The following TNKS variants were observed in gnomAD, a reference collection of about 807,000 sequenced individuals.
The protein encoded by TNKS is poly [ADP-ribose] polymerase tankyrase-1.
TNKS carries 72 observed loss-of-function variants against 135.8 expected under a neutral mutation model. The ratio of observed to expected loss-of-function variants is 0.53; its 90% CI spans 0.44 to 0.64. The LOEUF (loss-of-function observed/expected upper bound fraction) is 0.64. Ranked by LOEUF, TNKS falls within the 30% of genes least tolerant of loss-of-function variation. The probability of loss-of-function intolerance (pLI) is 0.00; values close to 1 mark genes in which losing one functional copy is unlikely to be tolerated. For missense variants in TNKS, 1,769 were observed against 1,674.0 expected, an observed-to-expected ratio of 1.06 and a Z score of -0.99; for synonymous variants, 849 against 649.3, an observed-to-expected ratio of 1.31 and a Z score of -4.68.
chr8:9,728,245 T>C (rs945605168), intron 13 of TNKS, among the ~76,000 whole-genome samples: 2 of 152,198 alleles, frequency 1.3e-5, no homozygotes, highest in Non-Finnish European at 1.5e-5. Flanking sequence ...GAATTAGGCC[T>C]GGTAAATTTC....
At chr8:9,759,018 A>G (rs745451012) in intron 20 of TNKS, among the ~76,000 whole-genome samples, 1 of 152,186 alleles carries the variant, frequency 6.6e-6, no homozygotes, top group Non-Finnish European at 1.5e-5. Flanking sequence ...GTTGGACTGA[A>G]GCCCTCAGTT....
chr8:9,598,749 A>G (rs28380342), intron 2 of TNKS, among the ~76,000 whole-genome samples: 4,071 of 89,262 alleles, frequency 0.046, 288 homozygotes, highest in African/African-American at 0.15. Context: ...GTGTGTATAT[A>G]TGTATATGTG....
At chr8:9,715,370 G>A (rs1455943061) in intron 11 of TNKS, among the ~76,000 whole-genome samples, 1 of 151,156 alleles carries the variant, frequency 6.6e-6, no homozygotes, top group Non-Finnish European at 1.5e-5. Flanking sequence ...AGGGGGGGCG[G>A]GTATGATCAT....
At chr8:9,773,206 A>G (rs1189340992) in intron 26 of TNKS, among the ~76,000 whole-genome samples, 1 of 152,076 alleles carries the variant, frequency 6.6e-6, no homozygotes, top group South Asian at 2.1e-4. Flanking sequence ...CACACTATAT[A>G]CATGAATATA....
At position 9,779,590 on chromosome 8, in the gene TNKS, T is replaced by C. The variant is rs1808378719; in HGVS notation, c.*2854T>C. 6.6e-6 allele frequency: 1 copy of C among 152,170 alleles called. No homozygotes were observed. Among genetic ancestry groups the C allele is most frequent in the Non-Finnish European group, 1.5e-5 (1 of 68,032 alleles). 9.4% of individuals were successfully genotyped at this position (152,170 alleles called of 1,614,324 possible). On this transcript the variant is annotated 3_prime_UTR_variant, in exon 27 of 27. Coordinates refer to ENST00000310430, the MANE Select transcript of TNKS (RefSeq NM_003747.3). ...AACTTTCTCCCTGTATTTGACCTCC[T>C]TCCCTCTTTCCTAAATTACTAGTCT...
At chr8:9,570,924 A>G (rs1427804437) in intron 1 of TNKS, among the ~76,000 whole-genome samples, 2 of 152,132 alleles carry the variant, frequency 1.3e-5, no homozygotes, top group Non-Finnish European at 2.9e-5. Context: ...AGCTCTGATC[A>G]TGCCACTGCA....
At chr8:9,747,031 C>T (rs899325917) in intron 17 of TNKS, among the ~76,000 whole-genome samples, 13 of 151,740 alleles carry the variant, frequency 8.6e-5, no homozygotes, top group African/African-American at 3.1e-4. Context: ...TACAGGCATG[C>T]ACCACCATGC....
chr8:9,736,350 TAAAAAAA>T (rs1204895063), intron 17 of TNKS, among the ~76,000 whole-genome samples: 9 of 87,434 alleles, frequency 1.0e-4, no homozygotes, highest in South Asian at 4.4e-4. Flanking sequence ...AGACCTCATC[TAAAAAAA>T]AAAAAAAAAA....
At chr8:9,741,782 T>C (rs1233504470) in intron 17 of TNKS, 1 of 487,988 alleles carries the variant, frequency 2.0e-6, no homozygotes, top group Admixed American at 2.0e-5. Context: ...CTTGTCTAAC[T>C]TCACGTTCCC....
At chr8:9,717,209 G>C (rs1184167363) in intron 11 of TNKS, among the ~76,000 whole-genome samples, 1 of 149,694 alleles carries the variant, frequency 6.7e-6, no homozygotes, top group Non-Finnish European at 1.5e-5. Flanking sequence ...TCTGTAGTGA[G>C]TTCACAACAC....
chr8:9,688,771 C>G (rs1337277402), intron 5 of TNKS, among the ~76,000 whole-genome samples: 1 of 152,178 alleles, frequency 6.6e-6, no homozygotes, highest in Non-Finnish European at 1.5e-5. Context: ...TCCTGAGTAG[C>G]TGAGATTACA....
chr8:9,776,829 C>T lies in TNKS; in HGVS notation c.*93C>T, dbSNP rs1376127401. On this transcript the variant is annotated 3_prime_UTR_variant, in exon 27 of 27. Transcript: ENST00000310430. ...ATAACAACATCAATATTCTAGAAGT[C>T]CCTGACAGCCTAGAAATAAGCTGTT... 13 of 1,221,130 alleles carry T rather than the reference C, an allele frequency of 1.1e-5. No individual in the cohort carries two copies. In the Admixed American group the frequency reaches 2.3e-4, roughly 22 times the overall value. The allele number at this position is 1,221,130 out of a possible 1,614,324, so 75.6% of individuals were successfully genotyped here. A position where few individuals can be genotyped will look rare whatever the true frequency, so the allele number is the denominator to read the frequency against.
chr8:9,559,641 C>G (rs1797246232), intron 1 of TNKS, among the ~76,000 whole-genome samples: 1 of 152,062 alleles, frequency 6.6e-6, no homozygotes, highest in Non-Finnish European at 1.5e-5. Flanking sequence ...GTGTATTCTT[C>G]CCTTGTCTGT....
chr8:9,648,612 A>C (rs1283725710), intron 3 of TNKS, among the ~76,000 whole-genome samples: 4 of 152,226 alleles, frequency 2.6e-5, no homozygotes, highest in Admixed American at 2.6e-4. Context: ...ACTTTTATAC[A>C]ACTGGCTGTG....
chr8:9,684,005 G>A (rs1802887059), intron 5 of TNKS, among the ~76,000 whole-genome samples: 1 of 149,938 alleles, frequency 6.7e-6, no homozygotes, highest in Non-Finnish European at 1.5e-5. Flanking sequence ...ACCTTTTGTT[G>A]TTGCTCTAAA....
intron 3 of TNKS, among the ~76,000 whole-genome samples, chr8:9,621,567 A>G (rs1300640701): frequency 6.6e-6 from 1 of 151,464 alleles, no homozygotes; most frequent in African/African-American, 2.4e-5. Context: ...CAGCCTCCGT[A>G]AGTGCTGGAA....
intron 20 of TNKS, 69 bp from the exon 21 acceptor site, chr8:9,761,447 A>T: frequency 6.5e-7 from 1 of 1,526,728 alleles, no homozygotes; most frequent in Non-Finnish European, 8.9e-7. Flanking sequence ...CATTGAAGGC[A>T]ATTGGAAAAG....
intron 17 of TNKS, among the ~76,000 whole-genome samples, chr8:9,740,072 A>G (rs1375774974): frequency 8.0e-5 from 12 of 149,908 alleles, no homozygotes; most frequent in Admixed American, 5.3e-4. Context: ...AAAAAAAAAA[A>G]AAAAAAAAGA....
At chr8:9,640,792 T>C (rs1357589704) in intron 3 of TNKS, among the ~76,000 whole-genome samples, 1 of 146,016 alleles carries the variant, frequency 6.8e-6, no homozygotes, top group Non-Finnish European at 1.5e-5. Context: ...GAGACCATGA[T>C]TAAGTGATAT....
Sources: allele counts gnomAD v4.1 joint callset (sites outside exome capture counted in the v4.1 genomes callset), GRCh38; gene constraint gnomAD v4.1.1; transcripts MANE v1.5; gene names NCBI Gene and HGNC (gene_info 2026-07-23, HGNC 2026-07-21).